The following JAG2 variants were observed in gnomAD, a reference collection of about 807,000 sequenced individuals.
JAG2 encodes jagged canonical Notch ligand 2.
A neutral mutation model predicts 141.7 loss-of-function variants in JAG2; 46 were observed. The observed-to-expected ratio is 0.32, with a 90% CI of 0.26 to 0.42. The LOEUF is 0.42. Among genes scored for constraint, JAG2 ranks in the 10% least tolerant of loss-of-function variants. JAG2 has a pLI of 1.00. For missense variants in JAG2, 1,500 were observed against 1,817.5 expected (o/e 0.83, Z 3.18); for synonymous variants, 862 against 763.5 (o/e 1.13, Z -2.13).
At chr14:105,151,213 C>CAGCCCCAGCAGCCCCAGCAGCCCCA (rs1555370222) in intron 9 of JAG2, 70 bp downstream of exon 9, 7 of 1,372,610 alleles carry the variant, frequency 5.1e-6, no homozygotes, top group Non-Finnish European at 7.1e-6. Context: ...CAGCAGCCCC[C>CAGCCCCAGCAGCCCCAGCAGCCCCA]GCAGCCCCAG....
chr14:105,147,425 G>C lies in JAG2; in HGVS notation c.2394-14C>G, dbSNP rs1052751105. On this transcript the variant is annotated splice_polypyrimidine_tract_variant and intron_variant, in intron 19 of 25. Transcript: ENST00000331782. ...CCACCATTGTAGCTGCAGAGCAGAG[G>C]GTGGGCATCAGGTGGCCCCCCGTGG... The C allele has an allele frequency of 3.1e-6, 5 of 1,611,020 alleles. No homozygotes were observed. In the African/African-American group the frequency reaches 6.7e-5, roughly 22 times the overall value.
intron 2 of JAG2, among the ~76,000 whole-genome samples, chr14:105,158,630 C>T (rs934873231): frequency 3.1e-4 from 47 of 152,086 alleles, no homozygotes; most frequent in African/African-American, 1.1e-3. Context: ...GGGACATGCC[C>T]TGTACTACCC....
chr14:105,146,495 C>G lies in JAG2; in HGVS notation c.2599G>C (p.Gly867Arg). The part of the protein sequence containing the change: ...RAGPRCQEVI[G>R]FGRSCWSRGT... ...CGGGACCAGCAGGATCTCCCGAACC[C>G]GATCACTGTGGGGAGAAGGGGCTCG... The change falls in exon 22 of 26, where the codon GGG becomes CGG. Residue 867 changes from glycine to arginine, a missense_variant. Physicochemically the swap from Gly to Arg is moderately radical, Grantham distance 125 (BLOSUM62 -2). Transcript: ENST00000331782. 1 of 1,612,604 alleles carries G rather than the reference C, an allele frequency of 6.2e-7. No homozygotes were observed. Among genetic ancestry groups the G allele is most frequent in the Non-Finnish European group, 8.5e-7 (1 of 1,179,772 alleles).
chr14:105,146,515 G>C lies in JAG2; in HGVS notation c.2594-15C>G. The C allele has an allele frequency of 6.2e-7, 1 of 1,611,222 alleles. No homozygotes were observed. Among genetic ancestry groups the C allele is most frequent in the Non-Finnish European group, 8.5e-7 (1 of 1,178,554 alleles). On this transcript the variant is annotated splice_polypyrimidine_tract_variant and intron_variant, in intron 21 of 25. Coordinates refer to ENST00000331782, the MANE Select transcript of JAG2 (RefSeq NM_002226.5). ...GAACCCGATCACTGTGGGGAGAAGG[G>C]GCTCGAGGGTCAGCAGTGGGCATCT...
intron 21 of JAG2, 30 bp downstream of exon 21, chr14:105,146,581 C>T (rs1888231925): frequency 2.5e-6 from 4 of 1,609,770 alleles, no homozygotes; most frequent in Non-Finnish European, 3.4e-6. Flanking sequence ...CCCAACCCGC[C>T]CCAACCCAGG....
intron 23 of JAG2, 68 bp downstream of exon 23, chr14:105,145,663 T>G (rs1888198569): frequency 1.3e-6 from 2 of 1,540,920 alleles, no homozygotes; most frequent in East Asian, 4.9e-5. Context: ...GGGGCTAGGC[T>G]TTCGCCATGC....
At chr14:105,148,092 G>T in intron 17 of JAG2, 24 bp downstream of exon 17, 1 of 1,523,234 alleles carries the variant, frequency 6.6e-7, no homozygotes, top group African/African-American at 1.4e-5. Flanking sequence ...CCCGGCGGTC[G>T]CAGAGGCAGC....
chr14:105,162,901 G>C (rs1405659222), intron 2 of JAG2, among the ~76,000 whole-genome samples: 1 of 124,844 alleles, frequency 8.0e-6, no homozygotes, highest in African/African-American at 3.5e-5. Flanking sequence ...TAAGTCCACG[G>C]CACCCCACTG....
chr14:105,167,181 C>G lies in JAG2; in HGVS notation c.417+576G>C, dbSNP rs1026673488. Reference sequence around the variant, plus strand: ...CAAACAGGGCAGTGCCACAGAAGGTCACTGCACCAGGATCCACTATCTCTG... The same window carrying G: ...CAAACAGGGCAGTGCCACAGAAGGTGACTGCACCAGGATCCACTATCTCTG... On this transcript the variant is annotated intron_variant, in intron 2 of 25. Transcript: ENST00000331782. This position sits in a 1 kb window ranked among gnomAD's most constrained non-coding sequence, Gnocchi z 4.8. Among the ~76,000 whole-genome samples, 1 of 152,234 alleles carries G rather than the reference C, an allele frequency of 6.6e-6. No individual in the cohort carries two copies. The highest frequency in any genetic ancestry group is 2.4e-5 in the African/African-American group (1 of 41,474).
At position 105,148,390 on chromosome 14, in the gene JAG2, G is replaced by A. The variant is rs1366279951; in HGVS notation, c.2070C>T (p.Tyr690=). The change falls in exon 16 of 26, where the codon TAC becomes TAT. Residue 690 remains tyrosine (Y), a synonymous_variant. Transcript: ENST00000331782. ...CACAGTAGAAGTCATTGACCAGGTC[G>A]TAGCAGCGGCCGCGGCTGTGGCAGG... The part of the protein sequence containing the change: ...PDPCHSRGRC[Y]DLVNDFYCAC... 13 of 1,612,176 alleles carry A rather than the reference G, an allele frequency of 8.1e-6. No homozygotes were observed. The highest frequency in any genetic ancestry group is 2.2e-5 in the East Asian group (1 of 44,882).
chr14:105,150,893 C>T lies in JAG2; in HGVS notation c.1400G>A (p.Gly467Glu), dbSNP rs757195573. The change falls in exon 11 of 26, where the codon GGG becomes GAG. Residue 467 changes from glycine to glutamate, a missense_variant. This residue lies in a region of JAG2 where 875 missense variants were observed against 1,202.2 expected (regional missense o/e 0.73). Transcript: ENST00000331782. ...NCHINVNDCR[G>E]QCQHGGTCKD... is the part of the protein sequence containing the mutation. ...GCAGGTGCCCCCATGCTGACACTGC[C>T]CGCGACAGTCGTTGACGTCTGGGGG... The T allele has an allele frequency of 7.5e-6, 12 of 1,590,978 alleles. No homozygotes were observed. The Admixed American group carries it at 2.1e-4, about 28-fold the overall frequency.
At chr14:105,156,017 GC>G in intron 3 of JAG2, 28 bp from the exon 4 acceptor site, 1 of 1,596,840 alleles carries the variant, frequency 6.3e-7, no homozygotes, top group Middle Eastern at 1.7e-4. Context: ...GTCAGCACAG[GC>G]CAGAGAAACC....
At chr14:105,147,607 G>A in intron 18 of JAG2, 80 bp from the exon 19 acceptor site, 3 of 1,457,540 alleles carry the variant, frequency 2.1e-6, no homozygotes, top group African/African-American at 1.4e-5. Context: ...GGCTTGGCGT[G>A]ATCAGGCTGT....
intron 17 of JAG2, 76 bp from the exon 18 acceptor site, chr14:105,147,964 CCCAGACAGG>C (rs1221329229): frequency 7.8e-7 from 1 of 1,278,738 alleles, no homozygotes; most frequent in African/African-American, 1.5e-5. Context: ...GCGCCCCCAA[CCCAGACAGG>C]GCAGACAGAC....
Position 105,168,436 on chromosome 14 carries a change from C to G in JAG2, c.-16G>C, listed in dbSNP as rs760182308. 10,467 of 768,312 alleles carry G rather than the reference C, an allele frequency of 0.014. 85 individuals are homozygous for G. The highest frequency in any genetic ancestry group is 0.015 in the Non-Finnish European group (9,596 of 634,110). 47.6% of individuals were successfully genotyped at this position (768,312 alleles called of 1,614,324 possible). On this transcript the variant is annotated 5_prime_UTR_variant, in exon 1 of 26. Coordinates refer to ENST00000331782, the MANE Select transcript of JAG2 (RefSeq NM_002226.5). ...GCGCCCGCATTGCCCCCGCGACCCG[C>G]CCGCCCGGCCCCGCCGCCGCCGCCC... is the stretch of plus-strand genomic sequence containing the variant.
rs1384512364 is a variant in JAG2, at chr14:105,142,609, T to C, written c.*86A>G. 1.3e-5 allele frequency: 12 copies of C among 948,398 alleles called. No homozygotes were observed. Among genetic ancestry groups the C allele is most frequent in the South Asian group, 1.2e-4 (8 of 66,036 alleles). 58.7% of individuals were successfully genotyped at this position (948,398 alleles called of 1,614,324 possible). The stretch of plus-strand genomic sequence containing the variant: ...GTTTTTTTACACAAAATAAAGAAAC[T>C]ATGCACATGGCCTCGGCCTCCGGGT... On this transcript the variant is annotated 3_prime_UTR_variant, in exon 26 of 26. Coordinates refer to ENST00000331782, the MANE Select transcript of JAG2 (RefSeq NM_002226.5).
At position 105,151,361 on chromosome 14, in the gene JAG2, C is replaced by T. The variant is rs780967753; in HGVS notation, c.1189G>A (p.Gly397Ser). ...TCCACCTGGTCCACACAGGTGCCAC[C>T]GGCCGCACACGGGTTCGAAGCACAC... Reference protein sequence around the residue: ...DECASNPCAAGGTCVDQVDGF... With the variant: ...DECASNPCAASGTCVDQVDGF... The change falls in exon 9 of 26, where the codon GGT (glycine) becomes AGT (serine). Residue 397 changes from glycine to serine, a missense_variant. This residue lies in a region of JAG2 where 875 missense variants were observed against 1,202.2 expected (regional missense o/e 0.73). Coordinates refer to ENST00000331782, the MANE Select transcript of JAG2 (RefSeq NM_002226.5). 3.1e-6 allele frequency: 5 copies of T among 1,612,214 alleles called. No individual in the cohort carries two copies. The South Asian group carries it at 3.3e-5, about 11-fold the overall frequency.
chr14:105,148,611 T>C, intron 15 of JAG2, 134 bp downstream of exon 15: 1 of 920,090 alleles, frequency 1.1e-6, no homozygotes, highest in South Asian at 1.6e-5. Flanking sequence ...CTCCACCCCA[T>C]GGTGGCAGCA....
intron 9 of JAG2, 46 bp from the exon 10 acceptor site, chr14:105,151,150 GC>G (rs1343270292): frequency 6.4e-7 from 1 of 1,556,142 alleles, no homozygotes; most frequent in South Asian, 1.2e-5. Flanking sequence ...GGCCCTGCCT[GC>G]CCCCTGCAGC....
Sources: gnomAD v4.1 joint callset for allele counts (sites outside exome capture counted in the v4.1 genomes callset) on GRCh38, gnomAD v4.1.1 for gene constraint, gnomAD v4.1.1 regional missense constraint, Gnocchi (gnomAD v3.1) non-coding constraint, MANE v1.5 for transcripts, NCBI Gene and HGNC (gene_info 2026-07-23, HGNC 2026-07-21) for gene names.